The following CDH15 variants were observed in gnomAD, a reference collection of about 807,000 sequenced individuals.
CDH15 encodes the protein cadherin 15, also known as cadherin-15.
Under a neutral mutation model 69.4 loss-of-function variants are expected in CDH15, and 73 were observed. The ratio of observed to expected loss-of-function variants is 1.05; its 90% confidence interval spans 0.87 to 1.28. The LOEUF (loss-of-function observed/expected upper bound fraction) is 1.28, where lower values mean the gene tolerates loss of function less well. Ranked by LOEUF, CDH15 falls within the 50% of genes most tolerant of loss-of-function variation. CDH15 has a pLI of 0.00. For missense variants in CDH15, 1,343 were observed against 1,133.6 expected (o/e 1.18, Z -2.65); for synonymous variants, 624 against 507.7 (o/e 1.23, Z -3.08).
At chr16:89,182,396 T>C (rs1195332006) in intron 3 of CDH15, among the ~76,000 whole-genome samples, 1 of 150,508 alleles carries the variant, frequency 6.6e-6, no homozygotes, top group African/African-American at 2.4e-5. Context: ...ATCCGAGCAC[T>C]TTGGGAGGCC....
In CDH15 at chr16:89,187,575, C is replaced by T. The variant is rs375312014; in HGVS notation, c.792+18C>T. 6.2e-7 allele frequency: 1 copy of T among 1,613,178 alleles called. No homozygotes were observed. The highest frequency in any genetic ancestry group is 8.5e-7 in the Non-Finnish European group (1 of 1,180,006). ...GGGATGAGGTGCTGCTGCTGTCCCT[C>T]CCTCGAAAGTAGCCCCTGCTTAGAG... On this transcript the variant is annotated intron_variant, in intron 6 of 13. Coordinates refer to ENST00000289746, the MANE Select transcript of CDH15 (RefSeq NM_004933.3).
rs1252432632 is a variant in CDH15, at chr16:89,191,901, TC to T, written c.1615+11del. 3 of 1,549,452 alleles carry T rather than the reference TC, an allele frequency of 1.9e-6. No individual in the cohort carries two copies. Among genetic ancestry groups the T allele is most frequent in the Non-Finnish European group, 2.6e-6 (3 of 1,153,948 alleles). ...AGCCTCAGCCAGGTCAACGGTGCGC[TC>T]CCCTCACCGCCGCGCTCCCCCCATC... On this transcript the variant is annotated splice_region_variant and intron_variant, in intron 10 of 13. Transcript: ENST00000289746.
chr16:89,193,362 CTTACCAGCCTTG>C, intron 11 of CDH15, 96 bp from the exon 12 acceptor site: 1 of 608,416 alleles, frequency 1.6e-6, no homozygotes, highest in Non-Finnish European at 2.7e-6. Context: ...CCCACCCCTG[CTTACCAGCCTTG>C]CCCCGCCCCG....
In CDH15 at chr16:89,195,281, G is replaced by T. The variant is rs1915779703; in HGVS notation, c.*126G>T. On this transcript the variant is annotated 3_prime_UTR_variant, in exon 14 of 14. Coordinates refer to ENST00000289746, the MANE Select transcript of CDH15 (RefSeq NM_004933.3). Reference sequence around the variant, plus strand: ...GGCAGCCTCCTTCCTGTAGGCGAGGGCCCAAGTCTGGGGGCAGAACCTGAG... The same window carrying T: ...GGCAGCCTCCTTCCTGTAGGCGAGGTCCCAAGTCTGGGGGCAGAACCTGAG... 2.9e-6 allele frequency: 3 copies of T among 1,033,422 alleles called. No individual in the cohort carries two copies. The highest frequency in any genetic ancestry group is 4.1e-6 in the Non-Finnish European group (3 of 733,612). 64.0% of individuals were successfully genotyped at this position (1,033,422 alleles called of 1,614,324 possible).
At position 89,171,813 on chromosome 16, in the gene CDH15, G is replaced by T. The variant is rs1170239101; in HGVS notation, c.-19G>T. The T allele has an allele frequency of 1.3e-6, 2 of 1,547,858 alleles. No individual in the cohort carries two copies. The highest frequency in any genetic ancestry group is 8.7e-7 in the Non-Finnish European group (1 of 1,150,080). ...TCGGGTCGCGGGTGCACTCCGGCCCGGCTCCCGCCTCGGCCCCGATGGACG... is the reference window on the plus strand; with the variant it reads ...TCGGGTCGCGGGTGCACTCCGGCCCTGCTCCCGCCTCGGCCCCGATGGACG... On this transcript the variant is annotated 5_prime_UTR_variant, in exon 1 of 14. Transcript: ENST00000289746.
chr16:89,185,056 G>C, intron 4 of CDH15, 117 bp from the exon 5 acceptor site: 1 of 993,508 alleles, frequency 1.0e-6, no homozygotes, highest in South Asian at 1.4e-5. Context: ...CCCATCTGGG[G>C]TCAGCCGTGC....
Position 89,190,237 on chromosome 16 carries a change from C to T in CDH15, c.979-6C>T. 1.2e-6 allele frequency: 2 copies of T among 1,611,790 alleles called. No homozygotes were observed. The highest frequency in any genetic ancestry group is 1.7e-6 in the Non-Finnish European group (2 of 1,179,572). On this transcript the variant is annotated splice_polypyrimidine_tract_variant and splice_region_variant and intron_variant, in intron 7 of 13. Coordinates refer to ENST00000289746, the MANE Select transcript of CDH15 (RefSeq NM_004933.3). ...GCGGATGACGGGCTGTGCTTCCTTC[C>T]CTCAGGCCCTGGACTATGAGAGCTG...
Position 89,192,254 on chromosome 16 carries a change from C to G in CDH15, c.1665C>G (p.His555Gln), listed in dbSNP as rs879802247. 30 of 1,530,230 alleles carry G rather than the reference C, an allele frequency of 2.0e-5. No individual in the cohort carries two copies. Among genetic ancestry groups the G allele is most frequent in the Non-Finnish European group, 2.5e-5 (29 of 1,145,058 alleles). The allele number at this position is 1,530,230 out of a possible 1,614,324, so 94.8% of individuals were successfully genotyped here. A position where few individuals can be genotyped will look rare whatever the true frequency, so the allele number is the denominator to read the frequency against. Residue 555 changes from histidine to glutamine, a missense_variant, in exon 11 of 14, where the codon CAC (histidine) becomes CAG (glutamine). Coordinates refer to ENST00000289746, the MANE Select transcript of CDH15 (RefSeq NM_004933.3). ...GACACCAGGTCCCCGAAGGCCTGCA[C>G]CGCCTCAGCCTGCTGCTCCGGGACT... The part of the protein sequence containing the change: ...RPRHQVPEGL[H>Q]RLSLLLRDSG...
intron 1 of CDH15, among the ~76,000 whole-genome samples, chr16:89,176,317 G>C (rs908872261): frequency 6.6e-6 from 1 of 152,358 alleles, no homozygotes; most frequent in Non-Finnish European, 1.5e-5. Context: ...TGAGGAGAGC[G>C]GGCAGCCTCG....
In CDH15 at chr16:89,193,822, T is replaced by A. The variant is rs780315176; in HGVS notation, c.2060T>A (p.Leu687His). ...ALSLPLGPPP[L>H]RRDAPQGRLH... ...AGCCTGCCTCTGGGACCGCCGCCAC[T>A]TCGCAGAGATGCCCCGCAGGGCCGC... The change falls in exon 13 of 14, where the codon CTT becomes CAT. Residue 687 changes from leucine (L) to histidine (H), a missense_variant. Leu to His is a moderately conservative substitution (Grantham distance 99). Transcript: ENST00000289746. 6.2e-7 allele frequency: 1 copy of A among 1,610,182 alleles called. No individual in the cohort carries two copies. The highest frequency in any genetic ancestry group is 2.2e-5 in the East Asian group (1 of 44,852).
Position 89,193,835 on chromosome 16 carries a change from C to T in CDH15, c.2073C>T (p.Ala691=). The change falls in exon 13 of 14, where the codon GCC becomes GCT. Residue 691 remains alanine (A), a synonymous_variant. Transcript: ENST00000289746. ...GACCGCCGCCACTTCGCAGAGATGCCCCGCAGGGCCGCCTGCACCCCCAGC... is the reference window on the plus strand; with the variant it reads ...GACCGCCGCCACTTCGCAGAGATGCTCCGCAGGGCCGCCTGCACCCCCAGC... ...PLGPPPLRRD[A]PQGRLHPQPP... is the part of the protein sequence containing the mutation. 6.2e-7 allele frequency: 1 copy of T among 1,610,842 alleles called. No homozygotes were observed. The highest frequency in any genetic ancestry group is 8.5e-7 in the Non-Finnish European group (1 of 1,179,618).
chr16:89,173,213 G>C (rs1403306038), intron 1 of CDH15, among the ~76,000 whole-genome samples: 2 of 152,212 alleles, frequency 1.3e-5, no homozygotes, highest in African/African-American at 4.8e-5. Context: ...CGCAGGCTGG[G>C]GGGCTCCATG....
chr16:89,172,727 A>C (rs1215749572), intron 1 of CDH15, among the ~76,000 whole-genome samples: 1 of 152,122 alleles, frequency 6.6e-6, no homozygotes, highest in Non-Finnish European at 1.5e-5. Flanking sequence ...CTAGACATGG[A>C]GGATGTGGCC....
rs374508070 is a variant in CDH15, at chr16:89,192,028, C to G, written c.1615+134C>G. 3 of 1,146,752 alleles carry G rather than the reference C, an allele frequency of 2.6e-6. No homozygotes were observed. The Admixed American group carries it at 6.5e-5, about 25-fold the overall frequency. 71.0% of individuals were successfully genotyped at this position (1,146,752 alleles called of 1,614,324 possible). A position where few individuals can be genotyped will look rare whatever the true frequency, so the allele number is the denominator to read the frequency against. Reference sequence around the variant, plus strand: ...TGCAACAGGTCCCCTCCCGCCACCCCCCCCACCACTGCATCCTCCCGTGGG... The same window carrying G: ...TGCAACAGGTCCCCTCCCGCCACCCGCCCCACCACTGCATCCTCCCGTGGG... On this transcript the variant is annotated intron_variant, in intron 10 of 13. Coordinates refer to ENST00000289746, the MANE Select transcript of CDH15 (RefSeq NM_004933.3).
At position 89,193,020 on chromosome 16, in the gene CDH15, C is replaced by T. The variant is rs78479255; in HGVS notation, c.1856-450C>T. ...CCCGCCCCCTGCTCGCCAACCCCGCCCCCTCATTACTAGCCACGCCCCTTC... is the reference window on the plus strand; with the variant it reads ...CCCGCCCCCTGCTCGCCAACCCCGCTCCCTCATTACTAGCCACGCCCCTTC... On this transcript the variant is annotated intron_variant, in intron 11 of 13. Coordinates refer to ENST00000289746, the MANE Select transcript of CDH15 (RefSeq NM_004933.3). 1.2e-3 allele frequency among the ~76,000 whole-genome samples: 97 copies of T among 78,200 alleles called. 6 individuals carry two copies. The East Asian group carries it at 0.028, about 23-fold the overall frequency. 51.3% of individuals were successfully genotyped at this position (78,200 alleles called of 152,430 possible).
Position 89,195,242 on chromosome 16 carries a change from C to G in CDH15, c.*87C>G, listed in dbSNP as rs1002603426. 389 of 1,362,676 alleles carry G rather than the reference C, an allele frequency of 2.9e-4. No individual in the cohort carries two copies. Among genetic ancestry groups the G allele is most frequent in the Non-Finnish European group, 3.5e-4 (358 of 1,029,340 alleles). The allele number at this position is 1,362,676 out of a possible 1,614,324, so 84.4% of individuals were successfully genotyped here. On this transcript the variant is annotated 3_prime_UTR_variant, in exon 14 of 14. Transcript: ENST00000289746. ...GCAGCCTGAGGTCACCGGGCCCGAC[C>G]CCCCTGGGCCTGGGGCAGCCTCCTT...
Position 89,171,845 on chromosome 16 carries a change from T to G in CDH15, c.14T>G (p.Phe5Cys), listed in dbSNP as rs759318530. The G allele has an allele frequency of 5.5e-5, 86 of 1,558,996 alleles. No homozygotes were observed. The highest frequency in any genetic ancestry group is 3.3e-4 in the Middle Eastern group (2 of 6,022). ...GCCTCGGCCCCGATGGACGCCGCGT[T>G]CCTCCTCGTCCTCGGGCTGTTGGCC... Reference protein sequence around the residue: MDAAFLLVLGLLAQS... With the variant: MDAACLLVLGLLAQS... The change falls in exon 1 of 14, where the codon TTC (phenylalanine) becomes TGC (cysteine). Residue 5 changes from phenylalanine (F) to cysteine (C), a missense_variant. Phe to Cys is a radical substitution (Grantham distance 205). Coordinates refer to ENST00000289746, the MANE Select transcript of CDH15 (RefSeq NM_004933.3).
Position 89,191,822 on chromosome 16 carries a change from G to T in CDH15, c.1543G>T (p.Ala515Ser). The T allele has an allele frequency of 6.2e-7, 1 of 1,604,126 alleles. No homozygotes were observed. ...GGATGAGGACCTGCCCCCCCACGGG[G>T]CCCCCTTCCACTTCCAGCTGAGCCC... is the stretch of plus-strand genomic sequence containing the variant. ...ATDEDLPPHG[A>S]PFHFQLSPRL... Residue 515 changes from alanine to serine, a missense_variant, in exon 10 of 14, where the codon GCC becomes TCC. Transcript: ENST00000289746.
rs371817617 is a variant in CDH15 at position 89,194,953 on chromosome 16, C to A, written c.2243C>A (p.Thr748Lys). 1.9e-6 allele frequency: 3 copies of A among 1,609,250 alleles called. No individual in the cohort carries two copies. Among genetic ancestry groups the A allele is most frequent in the Admixed American group, 1.7e-5 (1 of 59,600 alleles). ...GAGGGTGACGGCTCGGTGGCGGGGACGCTGAGCTCCATCCTGTCCAGCCAG... is the reference window on the plus strand; with the variant it reads ...GAGGGTGACGGCTCGGTGGCGGGGAAGCTGAGCTCCATCCTGTCCAGCCAG... The part of the protein sequence containing the change: ...DYEGDGSVAG[T>K]LSSILSSQGD... The change falls in exon 14 of 14, where the codon ACG becomes AAG. Residue 748 changes from threonine to lysine, a missense_variant. Coordinates refer to ENST00000289746, the MANE Select transcript of CDH15 (RefSeq NM_004933.3).
Sources: gnomAD v4.1 joint callset for allele counts (sites outside exome capture counted in the v4.1 genomes callset) on GRCh38, gnomAD v4.1.1 for gene constraint, MANE v1.5 for transcripts, NCBI Gene and HGNC (gene_info 2026-07-23, HGNC 2026-07-21) for gene names.